SHOX: variants seen among roughly 807,000 people sequenced by gnomAD.
SHOX encodes short stature homeobox protein.
A neutral mutation model predicts 29.6 loss-of-function variants in SHOX; 12 were observed. That is an observed-to-expected ratio of 0.41 (90% CI 0.26 to 0.66). The LOEUF (loss-of-function observed/expected upper bound fraction) is 0.66. Among genes scored for constraint, SHOX ranks in the 30% least tolerant of loss-of-function variants. The pLI, the probability that SHOX is intolerant of heterozygous loss-of-function variation, is 0.35. For synonymous variants in SHOX, 214 were observed against 200.6 expected (o/e 1.07, Z -0.57); for missense variants, 499 against 437.7 (o/e 1.14, Z -1.25).
At position 644,747 on chromosome X, in the gene SHOX, C is replaced by G. The variant is rs1371135824; in HGVS notation, c.*111C>G. Reference sequence around the variant, plus strand: ...GAGCTCCTTCCGCGGCCACCGTGCTCCGGGCACCCCGGGAGCTCCTGCAAG... The same window carrying G: ...GAGCTCCTTCCGCGGCCACCGTGCTGCGGGCACCCCGGGAGCTCCTGCAAG... On this transcript the variant is annotated 3_prime_UTR_variant, in exon 5 of 5. Transcript: ENST00000686671. 7 of 1,308,630 alleles carry G rather than the reference C, an allele frequency of 5.3e-6. No homozygotes were observed. Among genetic ancestry groups the G allele is most frequent in the East Asian group, 3.2e-5 (1 of 31,742 alleles). The allele number at this position is 1,308,630 out of a possible 1,614,324, so 81.1% of individuals were successfully genotyped here.
Position 630,817 on chromosome X carries a change from C to T in SHOX, c.-81C>T, listed in dbSNP as rs747596021. 1.9e-6 allele frequency: 3 copies of T among 1,540,906 alleles called. No individual in the cohort carries two copies. Among genetic ancestry groups the T allele is most frequent in the South Asian group, 2.2e-5 (2 of 89,338 alleles). Reference sequence around the variant, plus strand: ...TAAATAACAGCGCTGGTGATCCACCCGCGCGCACGGGCCGTCCTCTCCGCG... The same window carrying T: ...TAAATAACAGCGCTGGTGATCCACCTGCGCGCACGGGCCGTCCTCTCCGCG... On this transcript the variant is annotated 5_prime_UTR_variant, in exon 1 of 5. Transcript: ENST00000686671.
In SHOX at chrX:648,668, G is replaced by A. The variant is rs1450249863; in HGVS notation, c.*4032G>A. On this transcript the variant is annotated 3_prime_UTR_variant, in exon 5 of 5. Coordinates refer to ENST00000686671, the MANE Select transcript of SHOX (RefSeq NM_000451.4). ...CAGATCAAACGCAGAGAACTGTGAG[G>A]GTGGGACACGAGTGTCTGTGGACAC... 2.6e-5 allele frequency among the ~76,000 whole-genome samples: 4 copies of A among 152,206 alleles called. No individual in the cohort carries two copies. The highest frequency in any genetic ancestry group is 4.8e-5 in the African/African-American group (2 of 41,462).
chrX:624,842 CCT>C (rs1467189156), intron 1 of SHOX, among the ~76,000 whole-genome samples: 1 of 129,052 alleles, frequency 7.7e-6, no homozygotes, highest in Non-Finnish European at 1.7e-5. Flanking sequence ...TTCCTTCCTT[CCT>C]CTCTTCCTCT....
chrX:629,975 G>C (rs1156361473), upstream of SHOX, among the ~76,000 whole-genome samples: 1 of 152,208 alleles, frequency 6.6e-6, no homozygotes, highest in South Asian at 2.1e-4. Flanking sequence ...CAGGGTGACA[G>C]CGCGGCGCTA....
upstream of SHOX, among the ~76,000 whole-genome samples, chrX:629,605 C>T (rs2052612033): frequency 6.6e-6 from 1 of 152,076 alleles, no homozygotes; most frequent in African/African-American, 2.4e-5. Context: ...GTCTTACACA[C>T]ACCCCAACCC....
intron 2 of SHOX, 128 bp downstream of exon 2, chrX:634,954 T>C: frequency 2.0e-6 from 2 of 999,312 alleles, no homozygotes; most frequent in Non-Finnish European, 2.9e-6. Flanking sequence ...GGAGGTTGGG[T>C]GAGGGACGGG....
chrX:635,153 G>A (rs192164280), intron 2 of SHOX, among the ~76,000 whole-genome samples: 1 of 151,982 alleles, frequency 6.6e-6, no homozygotes, highest in African/African-American at 2.4e-5. Context: ...AAAGACACCC[G>A]GTGAACCCAT....
intron 1 of SHOX, among the ~76,000 whole-genome samples, chrX:632,170 G>A (rs1402330628): frequency 6.6e-6 from 1 of 152,118 alleles, no homozygotes; most frequent in Non-Finnish European, 1.5e-5. Flanking sequence ...GGGCCCCGGG[G>A]AAGCTGGCGG....
At chrX:655,650 ATATATAT>A (rs2053137017), downstream of SHOX, among the ~76,000 whole-genome samples, 1 of 121,736 alleles carries the variant, frequency 8.2e-6, no homozygotes, top group South Asian at 2.7e-4. Context: ...ATATATATAT[ATATATAT>A]GAGTTTCAAA....
intron 2 of SHOX, among the ~76,000 whole-genome samples, chrX:635,101 G>T (rs1010509922): frequency 6.6e-6 from 1 of 151,878 alleles, no homozygotes; most frequent in South Asian, 2.1e-4. Flanking sequence ...TATACAGATG[G>T]GTATATTGTA....
chrX:636,343 T>TATAAATATATAAAC (rs1164324037), intron 2 of SHOX, among the ~76,000 whole-genome samples: 1 of 141,476 alleles, frequency 7.1e-6, no homozygotes, highest in African/African-American at 2.6e-5. Flanking sequence ...TATAAACATA[T>TATAAATATATAAAC]ATAAATATAT....
At chrX:624,862 TTTTCTTTCTTTCTTTCTTTC>T (rs928739665) in intron 1 of SHOX, among the ~76,000 whole-genome samples, 10 of 76,858 alleles carry the variant, frequency 1.3e-4, no homozygotes, top group African/African-American at 5.0e-4. Flanking sequence ...TCTTTCTTTC[TTTTCTTTCTTTCTTTCTTTC>T]TTTCTTTCTT....
chrX:624,526 G>A (rs900631194), exon 1 of SHOX: 4 of 152,190 alleles, frequency 2.6e-5, no homozygotes, highest in Non-Finnish European at 2.9e-5. Flanking sequence ...GGGTTTGCGG[G>A]AGGTGGTGAC....
chrX:659,072 CTTTATT>C (rs1276789049), exon 6 of SHOX: 1 of 147,786 alleles, frequency 6.8e-6, no homozygotes, highest in Non-Finnish European at 1.4e-5. Flanking sequence ...GCCTTTGTAA[CTTTATT>C]TTTAATTTTT....
chrX:634,844 G>A lies in SHOX; in HGVS notation c.486+18G>A. The A allele has an allele frequency of 6.5e-7, 1 of 1,549,626 alleles. No homozygotes were observed. Among genetic ancestry groups the A allele is most frequent in the South Asian group, 1.2e-5 (1 of 84,342 alleles). ...GCGTGCAGGTAGGAACCCGGGGGCG[G>A]GGGCGGGGGGCCCGGAGCCATCGCC... On this transcript the variant is annotated intron_variant, in intron 2 of 4. Transcript: ENST00000686671.
chrX:625,551 C>CCTCT, intron 1 of SHOX, among the ~76,000 whole-genome samples: 1 of 150,030 alleles, frequency 6.7e-6, no homozygotes, highest in African/African-American at 2.5e-5. Flanking sequence ...CTCTTTCTCT[C>CCTCT]CTCTGTCTCT....
In SHOX at chrX:646,479, T is replaced by C. The variant is rs2052965704; in HGVS notation, c.*1843T>C. On this transcript the variant is annotated 3_prime_UTR_variant, in exon 5 of 5. Transcript: ENST00000686671. ...ATTTGCATCTTTCTGGATTCAAGCT[T>C]GGTGGTTTTCTTTCCTAACTTCTGA... 1 of 152,040 alleles carries C rather than the reference T, an allele frequency of 6.6e-6. No individual in the cohort carries two copies. Among genetic ancestry groups the C allele is most frequent in the South Asian group, 2.1e-4 (1 of 4,822 alleles). The allele number at this position is 152,040 out of a possible 1,614,324, so 9.4% of individuals were successfully genotyped here. A position where few individuals can be genotyped will look rare whatever the true frequency, so the allele number is the denominator to read the frequency against.
rs1295898495 is a variant in SHOX, at chrX:646,341, G to C, written c.*1705G>C. 1 of 151,788 alleles carries C rather than the reference G, an allele frequency of 6.6e-6. No individual in the cohort carries two copies. The highest frequency in any genetic ancestry group is 2.4e-5 in the African/African-American group (1 of 41,312). 9.4% of individuals were successfully genotyped at this position (151,788 alleles called of 1,614,324 possible). On this transcript the variant is annotated 3_prime_UTR_variant, in exon 5 of 5. Transcript: ENST00000686671. ...CACAGCAAGGGGTTTGGTGACCTCCGAGAAGATCCATCTGCATGATTGGCA... is the reference window on the plus strand; with the variant it reads ...CACAGCAAGGGGTTTGGTGACCTCCCAGAAGATCCATCTGCATGATTGGCA...
At chrX:636,970 A>ATATATATATATATATATATATTTTTTT (rs1458275715) in intron 2 of SHOX, among the ~76,000 whole-genome samples, 4 of 137,328 alleles carry the variant, frequency 2.9e-5, no homozygotes, top group African/African-American at 1.1e-4. Context: ...ATATATATAT[A>ATATATATATATATATATATATTTTTTT]TTTTGGCTCC....
Sources: gnomAD v4.1 joint callset for allele counts (sites outside exome capture counted in the v4.1 genomes callset) on GRCh38, gnomAD v4.1.1 for gene constraint, MANE v1.5 for transcripts, NCBI Gene and HGNC (gene_info 2026-07-23, HGNC 2026-07-21) for gene names.